The following COL13A1 variants were observed in gnomAD, a reference collection of about 807,000 sequenced individuals.
COL13A1 encodes collagen alpha-1(XIII) chain.
Under a neutral mutation model 130.9 loss-of-function variants are expected in COL13A1, and 89 were observed. That is an observed-to-expected ratio of 0.68 (90% CI 0.57 to 0.81). The LOEUF (loss-of-function observed/expected upper bound fraction) is 0.81. Ranked by LOEUF, COL13A1 falls within the 30% of genes least tolerant of loss-of-function variation. COL13A1 has a pLI of 0.00. For synonymous variants in COL13A1, 402 were observed against 341.6 expected (o/e 1.18, Z -1.95); for missense variants, 879 against 934.6 (o/e 0.94, Z 0.78).
Position 69,867,783 on chromosome 10 carries a change from C to T in COL13A1, c.365-15C>T, listed in dbSNP as rs904900189. 4.2e-6 allele frequency: 3 copies of T among 718,304 alleles called. No homozygotes were observed. The highest frequency in any genetic ancestry group is 2.0e-5 in the Admixed American group (1 of 49,998). The allele number at this position is 718,304 out of a possible 1,614,324, so 44.5% of individuals were successfully genotyped here. A position where few individuals can be genotyped will look rare whatever the true frequency, so the allele number is the denominator to read the frequency against. ...GCAATGACACTGACCCAGGCATTTT[C>T]TCTCTCTCTTTCAGGACCTCCTGTA... On this transcript the variant is annotated splice_polypyrimidine_tract_variant and intron_variant, in intron 2 of 40. Coordinates refer to ENST00000645393, the MANE Select transcript of COL13A1 (RefSeq NM_001368882.1).
chr10:69,956,705 A>G (rs546703904), intron 39 of COL13A1: 91 of 351,454 alleles, frequency 2.6e-4, no homozygotes, highest in African/African-American at 1.7e-3. Flanking sequence ...GCCACAGCAG[A>G]GACTGTTTCT....
intron 2 of COL13A1, among the ~76,000 whole-genome samples, chr10:69,859,421 A>C (rs973312633): frequency 3.3e-5 from 5 of 152,052 alleles, no homozygotes; most frequent in Non-Finnish European, 5.9e-5. Context: ...CATGAGTCTG[A>C]CCTGAGCTGT....
chr10:69,918,964 AC>A lies in COL13A1; in HGVS notation c.1000-95del, dbSNP rs1471461443. 2.8e-6 allele frequency: 4 copies of A among 1,441,380 alleles called. No individual in the cohort carries two copies. In the Admixed American group the frequency reaches 6.7e-5, roughly 24 times the overall value. 89.3% of individuals were successfully genotyped at this position (1,441,380 alleles called of 1,614,324 possible). A position where few individuals can be genotyped will look rare whatever the true frequency, so the allele number is the denominator to read the frequency against. On this transcript the variant is annotated intron_variant, in intron 19 of 40. Transcript: ENST00000645393. Reference sequence around the variant, plus strand: ...GCTGGCCAGATGTTTCACTAACCCCACCCTGACTGCCCCCAACCCCACCTCC... The same window carrying A: ...GCTGGCCAGATGTTTCACTAACCCCACCTGACTGCCCCCAACCCCACCTCC...
At chr10:69,903,107 C>T (rs56055334) in intron 15 of COL13A1, among the ~76,000 whole-genome samples, 4,498 of 152,318 alleles carry the variant, frequency 0.03, 230 homozygotes, top group African/African-American at 0.1. Flanking sequence ...CTGCCTGCCC[C>T]GTTCCCAGCC....
intron 2 of COL13A1, among the ~76,000 whole-genome samples, chr10:69,843,332 A>G (rs1357771494): frequency 6.6e-6 from 1 of 152,186 alleles, no homozygotes; most frequent in South Asian, 2.1e-4. Context: ...CCTGGCAACC[A>G]TGGGTTCAAA....
chr10:69,835,652 G>A (rs1393879949), intron 2 of COL13A1, among the ~76,000 whole-genome samples: 1 of 152,142 alleles, frequency 6.6e-6, no homozygotes, highest in Non-Finnish European at 1.5e-5. Flanking sequence ...GAGGATACAG[G>A]GTTAGGCAGT....
chr10:69,813,191 T>TG (rs200857120), intron 1 of COL13A1, among the ~76,000 whole-genome samples: 2,110 of 152,208 alleles, frequency 0.014, 29 homozygotes, highest in Non-Finnish European at 0.017. Flanking sequence ...TTCTTTGTGG[T>TG]GGGGGGCCCC....
intron 5 of COL13A1, among the ~76,000 whole-genome samples, chr10:69,876,417 A>G (rs1238310104): frequency 6.6e-6 from 1 of 152,130 alleles, no homozygotes; most frequent in Non-Finnish European, 1.5e-5. Context: ...GGCCTGGGAT[A>G]TTTCAGAGTT....
rs1467480004 is a variant in COL13A1 at position 69,936,758 on chromosome 10, G to A, written c.1773G>A (p.Gly591=). 18 of 1,613,822 alleles carry A rather than the reference G, an allele frequency of 1.1e-5. No individual in the cohort carries two copies. Among genetic ancestry groups the A allele is most frequent in the Non-Finnish European group, 1.4e-5 (17 of 1,179,872 alleles). The part of the protein sequence containing the change: ...PGPEGPPGPP[G]LQGVPGPKGE... ...ACCTTGCTTTATTCCAAATGCAGGG[G>A]CTCCAAGGTGTTCCTGGACCAAAGG... Residue 591 remains glycine (G), a splice_region_variant and synonymous_variant, in exon 33 of 41, where the codon GGG becomes GGA. Coordinates refer to ENST00000645393, the MANE Select transcript of COL13A1 (RefSeq NM_001368882.1).
intron 17 of COL13A1, among the ~76,000 whole-genome samples, chr10:69,909,212 G>C (rs368968462): frequency 2.0e-4 from 30 of 152,318 alleles, no homozygotes; most frequent in African/African-American, 7.0e-4. Flanking sequence ...TCCAGGGCTT[G>C]TCAGAAGCAT....
chr10:69,809,122 C>A (rs558604987), intron 1 of COL13A1, among the ~76,000 whole-genome samples: 1 of 152,330 alleles, frequency 6.6e-6, no homozygotes, highest in Non-Finnish European at 1.5e-5. Context: ...AATGGTGAAG[C>A]AGGCAACACC....
At chr10:69,813,046 C>T (rs1305525778) in intron 1 of COL13A1, among the ~76,000 whole-genome samples, 1 of 152,256 alleles carries the variant, frequency 6.6e-6, no homozygotes, top group Non-Finnish European at 1.5e-5. Flanking sequence ...AGAGTATCAA[C>T]TTCATGGGAG....
At chr10:69,831,944 G>T (rs1376884763) in intron 2 of COL13A1, among the ~76,000 whole-genome samples, 1 of 152,178 alleles carries the variant, frequency 6.6e-6, no homozygotes, top group Non-Finnish European at 1.5e-5. Context: ...GGCTCAATGT[G>T]GGGCCCGACA....
intron 2 of COL13A1, chr10:69,829,193 C>A: frequency 1.0e-6 from 1 of 981,750 alleles, no homozygotes; most frequent in Non-Finnish European, 1.2e-6. Context: ...TCATCCCACT[C>A]TGTCAATTTC....
Position 69,902,792 on chromosome 10 carries a change from A to G in COL13A1, c.795A>G (p.Pro265=), listed in dbSNP as rs1300487420. 1 of 1,554,494 alleles carries G rather than the reference A, an allele frequency of 6.4e-7. No individual in the cohort carries two copies. Among genetic ancestry groups the G allele is most frequent in the South Asian group, 1.2e-5 (1 of 83,890 alleles). The change falls in exon 15 of 41, where the codon CCA becomes CCG. Residue 265 remains proline (P), a synonymous_variant. Coordinates refer to ENST00000645393, the MANE Select transcript of COL13A1 (RefSeq NM_001368882.1). The stretch of plus-strand genomic sequence containing the variant: ...GCATCCAAGGTCCACCAGGGCCCCC[A>G]GGCCCCCCTGGACCAAGTGGACCTC... ...QASIQGPPGP[P]GPPGPSGPLG...
At chr10:69,919,277 G>A (rs1210212320) in intron 20 of COL13A1, among the ~76,000 whole-genome samples, 189 bp downstream of exon 20, 4 of 152,182 alleles carry the variant, frequency 2.6e-5, no homozygotes, top group Non-Finnish European at 1.5e-5. Context: ...GTCCTGGCCT[G>A]CAGGCATGCC....
intron 17 of COL13A1, among the ~76,000 whole-genome samples, chr10:69,908,228 A>G (rs1378520812): frequency 6.6e-6 from 1 of 152,214 alleles, no homozygotes; most frequent in East Asian, 1.9e-4. Flanking sequence ...TTCCTCGCAC[A>G]CTGCAGTCAT....
Position 69,940,971 on chromosome 10 carries a change from CTG to C in COL13A1, c.1879-14_1879-13del. The C allele has an allele frequency of 6.2e-7, 1 of 1,613,958 alleles. No homozygotes were observed. Among genetic ancestry groups the C allele is most frequent in the East Asian group, 2.2e-5 (1 of 44,866 alleles). On this transcript the variant is annotated splice_polypyrimidine_tract_variant and intron_variant, in intron 34 of 40. Coordinates refer to ENST00000645393, the MANE Select transcript of COL13A1 (RefSeq NM_001368882.1). Reference sequence around the variant, plus strand: ...CTCTCTTCCCCTTCTTTTGGTCAAACTGTGCCCTTCGTCCAGGGAGCTTCAGG... The same window carrying C: ...CTCTCTTCCCCTTCTTTTGGTCAAACTGCCCTTCGTCCAGGGAGCTTCAGG...
chr10:69,891,167 T>C (rs1240154570), intron 10 of COL13A1, among the ~76,000 whole-genome samples: 1 of 152,196 alleles, frequency 6.6e-6, no homozygotes, highest in African/African-American at 2.4e-5. Context: ...AGACATCCTT[T>C]TAAATGATCA....
Sources: allele counts gnomAD v4.1 joint callset (sites outside exome capture counted in the v4.1 genomes callset), GRCh38; gene constraint gnomAD v4.1.1; transcripts MANE v1.5; gene names NCBI Gene and HGNC (gene_info 2026-07-23, HGNC 2026-07-21).